The following UBE2U variants were observed in gnomAD, a reference collection of about 807,000 sequenced individuals.
UBE2U encodes the protein ubiquitin conjugating enzyme E2 U.
A neutral mutation model predicts 41.2 loss-of-function variants in UBE2U; 39 were observed. The ratio of observed to expected loss-of-function variants is 0.95; its 90% CI spans 0.73 to 1.24. UBE2U has a LOEUF of 1.24. Among genes scored for constraint, UBE2U ranks in the 50% most tolerant of loss-of-function variants. UBE2U has a pLI of 0.00. For missense variants in UBE2U, 336 were observed against 363.1 expected, an observed-to-expected ratio of 0.93 and a Z score of 0.61; for synonymous variants, 107 against 117.8, an observed-to-expected ratio of 0.91 and a Z score of 0.60.
chr1:64,210,862 CCT>C, intron 4 of UBE2U, 23 bp downstream of exon 4: 1 of 1,521,074 alleles, frequency 6.6e-7, no homozygotes, highest in African/African-American at 1.4e-5. Context: ...TTCATATAAT[CCT>C]CTCTTTAATA....
chr1:64,265,980 A>G (rs1251376429), intron 9 of UBE2U, among the ~76,000 whole-genome samples: 3 of 152,212 alleles, frequency 2.0e-5, no homozygotes, highest in Non-Finnish European at 2.9e-5. Context: ...GGTTTATTTC[A>G]TGTGTGAGGG....
At chr1:64,236,192 C>T (rs1644663664) in intron 7 of UBE2U, among the ~76,000 whole-genome samples, 1 of 152,078 alleles carries the variant, frequency 6.6e-6, no homozygotes. Context: ...TAAAACAGTG[C>T]CCAGCATATA....
intron 8 of UBE2U, among the ~76,000 whole-genome samples, chr1:64,255,904 A>G (rs1204025215): frequency 1.3e-5 from 2 of 152,208 alleles, no homozygotes; most frequent in Admixed American, 1.3e-4. Flanking sequence ...TCTTAAGCTG[A>G]TAAGCAACTT....
intron 8 of UBE2U, among the ~76,000 whole-genome samples, chr1:64,252,568 G>C (rs940598236): frequency 6.6e-6 from 1 of 152,124 alleles, no homozygotes; most frequent in Non-Finnish European, 1.5e-5. Context: ...CATCTTTGCT[G>C]TTTTGCAGCC....
chr1:64,209,944 C>T (rs1007493367), intron 3 of UBE2U, among the ~76,000 whole-genome samples: 12 of 152,230 alleles, frequency 7.9e-5, no homozygotes, highest in Admixed American at 3.9e-4. Flanking sequence ...TTTTGTGACT[C>T]GTATGATACA....
At position 64,220,868 on chromosome 1, in the gene UBE2U, A is replaced by G; in HGVS notation, c.467A>G (p.Asp156Gly). The part of the protein sequence containing the change: ...LFNRPLQMKD[D>G]SQELPKDPRK... ...TATTTTTTCTTTATAGTGAAAGATGACAGCCAGGAGTTACCTAAAGACCCA... is the reference window on the plus strand; with the variant it reads ...TATTTTTTCTTTATAGTGAAAGATGGCAGCCAGGAGTTACCTAAAGACCCA... Residue 156 changes from aspartate (D) to glycine (G), a missense_variant, in exon 6 of 10, where the codon GAC becomes GGC. By Grantham distance (94) the Asp-to-Gly change is moderately conservative (BLOSUM62 -1). Transcript: ENST00000371077. 1 of 1,606,872 alleles carries G rather than the reference A, an allele frequency of 6.2e-7. No individual in the cohort carries two copies. The highest frequency in any genetic ancestry group is 8.5e-7 in the Non-Finnish European group (1 of 1,177,834).
intron 7 of UBE2U, among the ~76,000 whole-genome samples, chr1:64,235,852 A>G (rs989339803): frequency 1.3e-5 from 2 of 152,148 alleles, no homozygotes; most frequent in African/African-American, 4.8e-5. Flanking sequence ...CAATTATTCA[A>G]CCAACATTAT....
At chr1:64,239,114 GA>G (rs1246967120) in intron 7 of UBE2U, among the ~76,000 whole-genome samples, 2 of 17,474 alleles carry the variant, frequency 1.1e-4, no homozygotes, top group Non-Finnish European at 1.8e-4. Context: ...AGAAGAAGAA[GA>G]AGAAGAAGAA....
At chr1:64,258,741 T>A (rs1645136876) in intron 8 of UBE2U, among the ~76,000 whole-genome samples, 1 of 152,238 alleles carries the variant, frequency 6.6e-6, no homozygotes, top group Non-Finnish European at 1.5e-5. Flanking sequence ...TTTGGGTTGG[T>A]TCCAAGTCTT....
intron 6 of UBE2U, among the ~76,000 whole-genome samples, chr1:64,221,341 GA>G (rs780369414): frequency 2.6e-5 from 4 of 152,162 alleles, no homozygotes; most frequent in Non-Finnish European, 4.4e-5. Context: ...TTGAACTCCT[GA>G]CCTCAGGTGA....
At chr1:64,259,754 A>G (rs958083198) in intron 8 of UBE2U, among the ~76,000 whole-genome samples, 8 of 152,088 alleles carry the variant, frequency 5.3e-5, no homozygotes, top group African/African-American at 1.9e-4. Context: ...CTCCAAGGAA[A>G]TGCTCTAATA....
At chr1:64,243,274 T>A (rs994012127) in intron 8 of UBE2U, among the ~76,000 whole-genome samples, 3 of 152,168 alleles carry the variant, frequency 2.0e-5, no homozygotes, top group Non-Finnish European at 4.4e-5. Context: ...AATGCAGTTT[T>A]AAAAAGATAT....
intron 7 of UBE2U, among the ~76,000 whole-genome samples, chr1:64,233,643 A>G (rs183160946): frequency 1.6e-3 from 245 of 152,342 alleles, no homozygotes; most frequent in Non-Finnish European, 1.4e-3. Context: ...CTGTTCAATT[A>G]TATCAATCTA....
chr1:64,239,997 G>A (rs926765349), intron 7 of UBE2U, among the ~76,000 whole-genome samples: 1 of 152,154 alleles, frequency 6.6e-6, no homozygotes, highest in Admixed American at 6.5e-5. Context: ...CAGTGTAAAA[G>A]TGTTCCTATT....
chr1:64,238,174 A>G (rs1813824), intron 7 of UBE2U, among the ~76,000 whole-genome samples: 25,518 of 152,014 alleles, frequency 0.17, 2,813 homozygotes, highest in Non-Finnish European at 0.24. Context: ...GGAGGCCAAG[A>G]CAGGTGGATC....
At chr1:64,265,054 C>T (rs1404011426) in intron 9 of UBE2U, among the ~76,000 whole-genome samples, 1 of 152,134 alleles carries the variant, frequency 6.6e-6, no homozygotes, top group South Asian at 2.1e-4. Flanking sequence ...TTGCCGTCCA[C>T]TCTTAAAAAT....
chr1:64,251,856 C>T (rs1262383496), intron 8 of UBE2U, among the ~76,000 whole-genome samples: 2 of 152,180 alleles, frequency 1.3e-5, no homozygotes, highest in Non-Finnish European at 2.9e-5. Context: ...CCCATACATT[C>T]CCCTAGGAAG....
rs977318782 is a variant in UBE2U at position 64,225,257 on chromosome 1, A to G, written c.506+4350A>G. 1.6e-4 allele frequency among the ~76,000 whole-genome samples: 25 copies of G among 152,190 alleles called. 3 individuals carry two copies. Among genetic ancestry groups the G allele is most frequent in the Admixed American group, 1.4e-3 (21 of 15,278 alleles). On this transcript the variant is annotated intron_variant, in intron 6 of 9. Coordinates refer to ENST00000371077, the MANE Select transcript of UBE2U (RefSeq NM_001366232.2). ...GTGAAATTGAAAGGAAAAATGAGTA[A>G]AAAATTGGGAGAGTAATGTGAAGAC...
intron 7 of UBE2U, among the ~76,000 whole-genome samples, chr1:64,233,069 G>T (rs188675318): frequency 2.0e-5 from 3 of 151,436 alleles, no homozygotes; most frequent in African/African-American, 7.3e-5. Flanking sequence ...GTGCAGTGAC[G>T]CAATCTCAGC....
Sources: gnomAD v4.1 joint callset for allele counts (sites outside exome capture counted in the v4.1 genomes callset) on GRCh38, gnomAD v4.1.1 for gene constraint, MANE v1.5 for transcripts, NCBI Gene and HGNC (gene_info 2026-07-23, HGNC 2026-07-21) for gene names.